C3orf20: variants seen among roughly 807,000 people sequenced by gnomAD.
C3orf20 encodes family with sequence similarity 149 member C.
C3orf20 carries 76 observed loss-of-function variants against 88.3 expected under a neutral mutation model. The ratio of observed to expected loss-of-function variants is 0.86; its 90% CI spans 0.72 to 1.04. The LOEUF (loss-of-function observed/expected upper bound fraction) is 1.04. C3orf20 is among the 50% of genes least tolerant of loss of function. The pLI is 0.00. For synonymous variants in C3orf20, 436 were observed against 437.4 expected (o/e 1.00, Z 0.04); for missense variants, 1,056 against 1,123.3 (o/e 0.94, Z 0.86).
intron 5 of C3orf20, among the ~76,000 whole-genome samples, chr3:14,699,680 G>C (rs898057617): frequency 3.3e-5 from 5 of 152,228 alleles, no homozygotes; most frequent in Non-Finnish European, 5.9e-5. Flanking sequence ...GTGGAAGAAA[G>C]GGGTCTTTTT....
At chr3:14,708,413 G>A (rs1389815145) in intron 7 of C3orf20, among the ~76,000 whole-genome samples, 1 of 150,244 alleles carries the variant, frequency 6.7e-6, no homozygotes, top group Non-Finnish European at 1.5e-5. Context: ...GTACCACACT[G>A]TTTTGGTTAT....
At chr3:14,709,581 G>T (rs772836248) in intron 7 of C3orf20, among the ~76,000 whole-genome samples, 1 of 152,014 alleles carries the variant, frequency 6.6e-6, no homozygotes, top group Non-Finnish European at 1.5e-5. Context: ...ATCATGAAAG[G>T]GTATTGAATT....
chr3:14,735,387 T>C (rs1364247934), intron 12 of C3orf20, among the ~76,000 whole-genome samples: 2 of 152,020 alleles, frequency 1.3e-5, no homozygotes, highest in Admixed American at 1.3e-4. Context: ...AACATTATTT[T>C]AGTATTTCTT....
At chr3:14,765,616 G>T (rs1463937493) in intron 15 of C3orf20, 1 of 152,528 alleles carries the variant, frequency 6.6e-6, no homozygotes. Flanking sequence ...TGTTGGGGGG[G>T]AGTCCAGGAA....
chr3:14,692,946 C>G, intron 5 of C3orf20, among the ~76,000 whole-genome samples: 1 of 152,114 alleles, frequency 6.6e-6, no homozygotes, highest in African/African-American at 2.4e-5. Flanking sequence ...ATATGGTTAT[C>G]CAGTTTTCCC....
chr3:14,683,174 A>C lies in C3orf20; in HGVS notation c.461A>C (p.Lys154Thr), dbSNP rs1016054072. The C allele has an allele frequency of 1.9e-6, 3 of 1,599,576 alleles. No homozygotes were observed. The highest frequency in any genetic ancestry group is 1.7e-5 in the Admixed American group (1 of 58,328). The change falls in exon 3 of 17, where the codon AAG becomes ACG. Residue 154 changes from lysine to threonine, a missense_variant. By Grantham distance (78) the Lys-to-Thr change is moderately conservative (BLOSUM62 -1). Transcript: ENST00000253697. ...LLTELLRLKM[K>T]AMVESMSVGA... ...ACGGAGCTCCTCAGACTGAAGATGA[A>C]GGCCATGGTGGAGTCTATGTCGGGT...
chr3:14,724,784 C>T (rs1404699475), intron 10 of C3orf20, among the ~76,000 whole-genome samples: 2 of 152,192 alleles, frequency 1.3e-5, no homozygotes, highest in African/African-American at 4.8e-5. Flanking sequence ...TTCAACTACA[C>T]ATGTAGCTCA....
chr3:14,727,183 T>A (rs763552449), intron 11 of C3orf20, among the ~76,000 whole-genome samples, 159 bp downstream of exon 11: 1 of 152,176 alleles, frequency 6.6e-6, no homozygotes, highest in Non-Finnish European at 1.5e-5. Flanking sequence ...TTTCCCCATT[T>A]TAGGTCCCAC....
At chr3:14,756,045 A>G (rs1439372427) in intron 12 of C3orf20, among the ~76,000 whole-genome samples, 1 of 150,660 alleles carries the variant, frequency 6.6e-6, no homozygotes, top group African/African-American at 2.4e-5. Flanking sequence ...AAAAAAAAAA[A>G]AAGAAAAAGA....
chr3:14,712,180 GCGCACACACACA>G (rs1327868667), intron 7 of C3orf20, among the ~76,000 whole-genome samples: 111 of 108,880 alleles, frequency 1.0e-3, no homozygotes, highest in Middle Eastern at 0.011. Flanking sequence ...ACACGCGCGC[GCGCACACACACA>G]CACACACACA....
intron 15 of C3orf20, among the ~76,000 whole-genome samples, chr3:14,763,080 C>T (rs1228631899): frequency 6.6e-6 from 1 of 152,022 alleles, no homozygotes; most frequent in East Asian, 1.9e-4. Flanking sequence ...ACCAACAATC[C>T]CAGGGAGAAA....
At chr3:14,691,732 CT>C (rs1384822808) in intron 5 of C3orf20, among the ~76,000 whole-genome samples, 4 of 152,130 alleles carry the variant, frequency 2.6e-5, no homozygotes, top group Admixed American at 6.5e-5. Context: ...TGTCCATCAC[CT>C]TATGCATTTA....
chr3:14,728,854 C>T (rs1412316142), intron 12 of C3orf20, among the ~76,000 whole-genome samples, 166 bp downstream of exon 12: 4 of 152,164 alleles, frequency 2.6e-5, no homozygotes, highest in African/African-American at 9.6e-5. Flanking sequence ...TTTTAGGCAG[C>T]GATAAGGACT....
At chr3:14,678,293 G>A (rs114206354) in intron 1 of C3orf20, among the ~76,000 whole-genome samples, 7 of 152,318 alleles carry the variant, frequency 4.6e-5, no homozygotes, top group African/African-American at 7.2e-5. Flanking sequence ...AGTGTCACAC[G>A]TGGCCATTGG....
intron 15 of C3orf20, among the ~76,000 whole-genome samples, chr3:14,766,055 G>A (rs1418134339): frequency 6.6e-6 from 1 of 152,154 alleles, no homozygotes; most frequent in South Asian, 2.1e-4. Context: ...GGCCCAGTGG[G>A]CTGCACCAAG....
intron 11 of C3orf20, among the ~76,000 whole-genome samples, chr3:14,727,524 C>T (rs2034396498): frequency 6.6e-6 from 1 of 152,048 alleles, no homozygotes; most frequent in Non-Finnish European, 1.5e-5. Flanking sequence ...GCCTCAGGAC[C>T]CTTCCACCTC....
rs74580007 is a variant in C3orf20 at position 14,719,356 on chromosome 3, G to A, written c.1435-2297G>A. On this transcript the variant is annotated intron_variant, in intron 9 of 16. Transcript: ENST00000253697. ...CAGACCCAAAAGCATTAAAAATAGC[G>A]GCAATATTTTTTAAAGGGGTCATTT... Among the ~76,000 whole-genome samples the A allele has an allele frequency of 2.2e-3, 333 of 152,122 alleles. 1 individual carries two copies. Among genetic ancestry groups the A allele is most frequent in the African/African-American group, 7.6e-3 (317 of 41,488 alleles).
intron 11 of C3orf20, 86 bp from the exon 12 acceptor site, chr3:14,728,353 T>C: frequency 1.9e-6 from 3 of 1,544,998 alleles, no homozygotes; most frequent in Non-Finnish European, 2.7e-6. Context: ...TGAGCCAAGG[T>C]GCACTTAGAT....
chr3:14,704,797 A>G (rs765838863), intron 7 of C3orf20, among the ~76,000 whole-genome samples, 179 bp downstream of exon 7: 2 of 152,154 alleles, frequency 1.3e-5, no homozygotes, highest in African/African-American at 2.4e-5. Flanking sequence ...GGAGGAGGTA[A>G]TAAGTTTCAA....
Sources: allele counts gnomAD v4.1 joint callset (sites outside exome capture counted in the v4.1 genomes callset), GRCh38; gene constraint gnomAD v4.1.1; transcripts MANE v1.5; gene names NCBI Gene and HGNC (gene_info 2026-07-23, HGNC 2026-07-21).